EVA1C: variants seen among roughly 807,000 people sequenced by gnomAD.
The protein encoded by EVA1C is eva-1 homolog C.
EVA1C carries 25 observed loss-of-function variants against 45.4 expected under a neutral mutation model. The ratio of observed to expected loss-of-function variants is 0.55; its 90% CI spans 0.40 to 0.77. EVA1C has a LOEUF of 0.77. Ranked by LOEUF, EVA1C falls within the 30% of genes least tolerant of loss-of-function variation. EVA1C has a pLI of 0.00. For synonymous variants in EVA1C, 190 were observed against 221.2 expected, an observed-to-expected ratio of 0.86 and a Z score of 1.25; for missense variants, 479 against 554.8, an observed-to-expected ratio of 0.86 and a Z score of 1.37.
At chr21:32,458,708 C>T (rs1340071555) in intron 3 of EVA1C, among the ~76,000 whole-genome samples, 3 of 151,968 alleles carry the variant, frequency 2.0e-5, no homozygotes, top group Non-Finnish European at 2.9e-5. Flanking sequence ...CTTGAACTCC[C>T]GACCTCAGCT....
At chr21:32,485,249 C>T (rs748893317) in intron 4 of EVA1C, among the ~76,000 whole-genome samples, 1 of 152,086 alleles carries the variant, frequency 6.6e-6, no homozygotes. Context: ...GGCGCAATCT[C>T]GCCTCACTGC....
intron 1 of EVA1C, among the ~76,000 whole-genome samples, chr21:32,422,742 G>C (rs1449039959): frequency 6.6e-6 from 1 of 152,028 alleles, no homozygotes; most frequent in East Asian, 1.9e-4. Context: ...AGTGTGTGAA[G>C]GAAAGACAAA....
chr21:32,492,559 G>A lies in EVA1C; in HGVS notation c.635-2468G>A, dbSNP rs117483700. 5.9e-3 allele frequency among the ~76,000 whole-genome samples: 891 copies of A among 152,156 alleles called. 45 individuals carry two copies. The South Asian group carries it at 0.077, about 13-fold the overall frequency. On this transcript the variant is annotated intron_variant, in intron 4 of 7. Coordinates refer to ENST00000300255, the MANE Select transcript of EVA1C (RefSeq NM_058187.5). ...AGGACTTTGTGTGGCTGGGGTCCCT[G>A]CCCCTGTGCCTTCATACTCTCCCTG...
rs1056733457 is a variant in EVA1C, at chr21:32,513,977, C to T, written c.950-837C>T. On this transcript the variant is annotated intron_variant, in intron 7 of 7. Coordinates refer to ENST00000300255, the MANE Select transcript of EVA1C (RefSeq NM_058187.5). ...TACCAAACATGTACAGACATTTTTT[C>T]TCCTGTCATTATTCCCAAAACAATA... Among the ~76,000 whole-genome samples, 5 of 152,174 alleles carry T rather than the reference C, an allele frequency of 3.3e-5. No homozygotes were observed. The South Asian group carries it at 1.0e-3, about 32-fold the overall frequency.
intron 1 of EVA1C, among the ~76,000 whole-genome samples, chr21:32,419,326 CT>C (rs1331632609): frequency 1.3e-5 from 2 of 152,196 alleles, no homozygotes; most frequent in Admixed American, 6.5e-5. Context: ...TTACCCACCC[CT>C]ATTGCCTGAC....
chr21:32,435,696 GGC>G (rs2034917930), intron 1 of EVA1C, among the ~76,000 whole-genome samples: 1 of 152,258 alleles, frequency 6.6e-6, no homozygotes, highest in Non-Finnish European at 1.5e-5. Context: ...GAATTTGCAA[GGC>G]CCAGTGCAAG....
intron 1 of EVA1C, among the ~76,000 whole-genome samples, chr21:32,434,279 G>A (rs2034838291): frequency 6.6e-6 from 1 of 151,594 alleles, no homozygotes; most frequent in Non-Finnish European, 1.5e-5. Flanking sequence ...CTGGGTGACA[G>A]AGCAGGATTC....
intron 4 of EVA1C, among the ~76,000 whole-genome samples, chr21:32,486,405 G>A (rs775328289): frequency 3.3e-5 from 5 of 152,186 alleles, no homozygotes; most frequent in African/African-American, 9.7e-5. Context: ...GATTACAGGC[G>A]TGAGCCACCG....
chr21:32,462,812 G>A (rs113304276), intron 3 of EVA1C, among the ~76,000 whole-genome samples: 60,142 of 152,088 alleles, frequency 0.4, 12,571 homozygotes, highest in East Asian at 0.52. Context: ...CCATCCCTCT[G>A]CTTCGGCCCA....
intron 1 of EVA1C, among the ~76,000 whole-genome samples, chr21:32,448,137 A>T (rs2035433879): frequency 6.6e-6 from 1 of 151,922 alleles, no homozygotes; most frequent in Non-Finnish European, 1.5e-5. Flanking sequence ...CTTCTTCCTG[A>T]CCTTTTGGCA....
rs1175229357 is a variant in EVA1C, at chr21:32,457,617, GAACCAGCGGGCCTGCCACCTCCTGGTC to G, written c.381_407del (p.Gln128_Asn136del). 2 of 1,614,066 alleles carry G rather than the reference GAACCAGCGGGCCTGCCACCTCCTGGTC, an allele frequency of 1.2e-6. No individual in the cohort carries two copies. Among genetic ancestry groups the G allele is most frequent in the Non-Finnish European group, 1.7e-6 (2 of 1,180,036 alleles). On this transcript the variant is annotated inframe_deletion, in exon 3 of 8. Transcript: ENST00000300255. ...TCTAGAAGGTGCTGGACGAATGCCA[GAACCAGCGGGCCTGCCACCTCCTGGTC>G]AATAGCCGTGTTTTTGGACCTGACC...
intron 4 of EVA1C, among the ~76,000 whole-genome samples, chr21:32,485,562 G>A (rs370605898): frequency 6.6e-6 from 1 of 151,786 alleles, no homozygotes; most frequent in South Asian, 2.1e-4. Context: ...CCTTGTCCTG[G>A]CTCCTCATGG....
In EVA1C at chr21:32,500,807, C is replaced by T. The variant is rs150829356; in HGVS notation, c.779-608C>T. On this transcript the variant is annotated intron_variant, in intron 5 of 7. Coordinates refer to ENST00000300255, the MANE Select transcript of EVA1C (RefSeq NM_058187.5). ...ATCCATGTTGTAGCATGTATCATAT[C>T]GGTACTTCACTTTTTTTTTTTGGAG... Among the ~76,000 whole-genome samples the T allele has an allele frequency of 2.9e-4, 44 of 149,916 alleles. No individual in the cohort carries two copies. The East Asian group carries it at 7.8e-3, about 26-fold the overall frequency.
intron 4 of EVA1C, among the ~76,000 whole-genome samples, chr21:32,478,613 G>A (rs1019366577): frequency 6.6e-6 from 1 of 152,226 alleles, no homozygotes; most frequent in African/African-American, 2.4e-5. Flanking sequence ...TCATCCGGCA[G>A]AAGAGAAACT....
At chr21:32,450,480 G>C (rs763395704) in intron 1 of EVA1C, among the ~76,000 whole-genome samples, 8 of 143,916 alleles carry the variant, frequency 5.6e-5, no homozygotes, top group Non-Finnish European at 1.2e-4. Flanking sequence ...TTTGATGTGT[G>C]GTCAGCTGCT....
chr21:32,423,365 T>C (rs2034363574), intron 1 of EVA1C, among the ~76,000 whole-genome samples: 1 of 151,964 alleles, frequency 6.6e-6, no homozygotes, highest in Admixed American at 6.6e-5. Context: ...TAGGGAAGAA[T>C]GGGAAACAGT....
At chr21:32,471,049 G>A (rs2036352677) in intron 4 of EVA1C, among the ~76,000 whole-genome samples, 1 of 150,392 alleles carries the variant, frequency 6.6e-6, no homozygotes. Flanking sequence ...GTGAGCCACT[G>A]CACCCGGCCC....
At chr21:32,504,502 C>T (rs901134190) in intron 7 of EVA1C, among the ~76,000 whole-genome samples, 4 of 152,190 alleles carry the variant, frequency 2.6e-5, no homozygotes, top group African/African-American at 7.2e-5. Context: ...ATCAATCAGA[C>T]TCAGCCCTCA....
chr21:32,460,638 C>T (rs2035962415), intron 3 of EVA1C, among the ~76,000 whole-genome samples: 2 of 152,156 alleles, frequency 1.3e-5, no homozygotes, highest in South Asian at 2.1e-4. Context: ...CCAGATCATC[C>T]AGTCCCGTGG....
Sources: gnomAD v4.1 joint callset for allele counts (sites outside exome capture counted in the v4.1 genomes callset) on GRCh38, gnomAD v4.1.1 for gene constraint, MANE v1.5 for transcripts, NCBI Gene and HGNC (gene_info 2026-07-23, HGNC 2026-07-21) for gene names.